The following PPFIA4 variants were observed in gnomAD, a reference collection of about 807,000 sequenced individuals.
PPFIA4 encodes the protein liprin-alpha-4.
In PPFIA4, 98 loss-of-function variants were observed where a neutral mutation model predicts 145.7. That is an observed-to-expected ratio of 0.67 (90% CI 0.57 to 0.80). PPFIA4 has a LOEUF of 0.80. Ranked by LOEUF, PPFIA4 falls within the 30% of genes least tolerant of loss-of-function variation. PPFIA4 has a pLI of 0.00. For missense variants in PPFIA4, 1,457 were observed against 1,632.7 expected (o/e 0.89, Z 1.85); for synonymous variants, 628 against 649.6 (o/e 0.97, Z 0.51).
rs766592731 is a variant in PPFIA4, at chr1:203,059,296, C to T, written c.2501+25C>T. On this transcript the variant is annotated intron_variant, in intron 20 of 29. Coordinates refer to ENST00000295706, the MANE Select transcript of PPFIA4 (RefSeq NM_001304331.2). ...AGTAAGAGCCACAGGCCAGGGTCTG[C>T]CAGGGTGGGGCCCAGCCCCCTACCC... The T allele has an allele frequency of 4.1e-6, 6 of 1,469,300 alleles. No homozygotes were observed. The East Asian group carries it at 9.8e-5, about 24-fold the overall frequency. The allele number at this position is 1,469,300 out of a possible 1,614,324, so 91.0% of individuals were successfully genotyped here. A position where few individuals can be genotyped will look rare whatever the true frequency, so the allele number is the denominator to read the frequency against.
At chr1:203,027,190 G>A (rs1307557727) in intron 1 of PPFIA4, among the ~76,000 whole-genome samples, 2 of 152,098 alleles carry the variant, frequency 1.3e-5, no homozygotes, top group Non-Finnish European at 2.9e-5. Flanking sequence ...TGGGGTGGAA[G>A]GAGCGGCCAA....
intron 1 of PPFIA4, among the ~76,000 whole-genome samples, chr1:203,038,003 T>A (rs1659420024): frequency 6.6e-6 from 1 of 152,180 alleles, no homozygotes; most frequent in African/African-American, 2.4e-5. Context: ...TTATGGGCAA[T>A]GTAGCAGGTC....
chr1:203,062,899 G>A (rs1484084464), intron 24 of PPFIA4: 2 of 152,244 alleles, frequency 1.3e-5, no homozygotes, highest in Non-Finnish European at 2.9e-5. Flanking sequence ...GGAGATGTGT[G>A]CTGACAGCGA....
At position 203,075,999 on chromosome 1, in the gene PPFIA4, C is replaced by T. The variant is rs1389534962; in HGVS notation, c.3574+242C>T. On this transcript the variant is annotated intron_variant, in intron 29 of 29. Coordinates refer to ENST00000295706, the MANE Select transcript of PPFIA4 (RefSeq NM_001304331.2). The surrounding 1 kb of genome is among the most constrained non-coding windows in gnomAD (Gnocchi z 4.1). Reference sequence around the variant, plus strand: ...CGGCGGGGTCGCAGAGACTGGAGACCTCCACGGTTCGGACCTACTCCTGCT... The same window carrying T: ...CGGCGGGGTCGCAGAGACTGGAGACTTCCACGGTTCGGACCTACTCCTGCT... 3 of 547,246 alleles carry T rather than the reference C, an allele frequency of 5.5e-6. No individual in the cohort carries two copies. Among genetic ancestry groups the T allele is most frequent in the East Asian group, 3.2e-5 (1 of 31,376 alleles). The allele number at this position is 547,246 out of a possible 1,614,324, so 33.9% of individuals were successfully genotyped here.
At chr1:203,040,422 G>A (rs575237053) in intron 2 of PPFIA4, among the ~76,000 whole-genome samples, 1 of 152,318 alleles carries the variant, frequency 6.6e-6, no homozygotes, top group East Asian at 1.9e-4. Flanking sequence ...GGGCCTGAGT[G>A]GGTGAGTTTC....
In PPFIA4 at chr1:203,044,394, C is replaced by G; in HGVS notation, c.517C>G (p.Arg173Gly). The change falls in exon 5 of 30, where the codon CGG becomes GGG. Residue 173 changes from arginine (R) to glycine (G), a missense_variant. By Grantham distance (125) the Arg-to-Gly change is moderately radical. Around this residue, in one of 3 missense-constraint regions of PPFIA4, gnomAD observed 463 missense variants for 459.8 expected, o/e 1.01. Transcript: ENST00000295706. ...CCTCGAGCAGGTGCGAGAGCGGCTC[C>G]GGGCAGCGCTGGAGCGAGTCACCAC... is the stretch of plus-strand genomic sequence containing the variant. ...ALDEKVRERL[R>G]AALERVTTLE... The G allele has an allele frequency of 6.4e-7, 1 of 1,552,196 alleles. No homozygotes were observed. The highest frequency in any genetic ancestry group is 1.2e-5 in the South Asian group (1 of 84,092).
Position 203,067,680 on chromosome 1 carries a change from GC to G in PPFIA4, c.3051-14del. 4 of 1,612,150 alleles carry G rather than the reference GC, an allele frequency of 2.5e-6. No individual in the cohort carries two copies. Among genetic ancestry groups the G allele is most frequent in the Non-Finnish European group, 3.4e-6 (4 of 1,178,382 alleles). On this transcript the variant is annotated splice_polypyrimidine_tract_variant and intron_variant, in intron 25 of 29. Coordinates refer to ENST00000295706, the MANE Select transcript of PPFIA4 (RefSeq NM_001304331.2). ...GCCCCACTGAGGCTCTGGCTTGGGG[GC>G]TGTGTGCCTGCAGAACCAGTCTTCA... is the stretch of plus-strand genomic sequence containing the variant.
chr1:203,050,466 A>C (rs920954739), intron 13 of PPFIA4, among the ~76,000 whole-genome samples: 17 of 152,294 alleles, frequency 1.1e-4, no homozygotes, highest in Admixed American at 3.9e-4. Context: ...GTGCCACTCA[A>C]GGTTCATGGC....
chr1:203,063,103 AGAGT>A (rs1281990982), intron 24 of PPFIA4: 1 of 152,282 alleles, frequency 6.6e-6, no homozygotes, highest in Non-Finnish European at 1.5e-5. Context: ...GGGTAAGGAA[AGAGT>A]GAGGTAGGGT....
chr1:203,048,164 A>T lies in PPFIA4; in HGVS notation c.1141-63A>T. On this transcript the variant is annotated intron_variant, in intron 9 of 29. Coordinates refer to ENST00000295706, the MANE Select transcript of PPFIA4 (RefSeq NM_001304331.2). This position sits in a 1 kb window ranked among gnomAD's most constrained non-coding sequence, Gnocchi z 5.8. ...CCACCCTGGCACCAGGGTGCAGGGGATGCGGGGCCTGAGCAGGAAGAACAG... is the reference window on the plus strand; with the variant it reads ...CCACCCTGGCACCAGGGTGCAGGGGTTGCGGGGCCTGAGCAGGAAGAACAG... The T allele has an allele frequency of 6.6e-7, 1 of 1,519,780 alleles. No individual in the cohort carries two copies. The highest frequency in any genetic ancestry group is 9.1e-7 in the Non-Finnish European group (1 of 1,102,922). 94.1% of individuals were successfully genotyped at this position (1,519,780 alleles called of 1,614,324 possible).
chr1:203,038,481 AGGGGCATGC>A, intron 1 of PPFIA4, 120 bp from the exon 2 acceptor site: 1 of 153,078 alleles, frequency 6.5e-6, no homozygotes, highest in South Asian at 2.1e-4. Flanking sequence ...AGCCTGGAGA[AGGGGCATGC>A]GCCAGCACCT....
At chr1:203,061,990 C>G (rs1225013798) in intron 24 of PPFIA4, among the ~76,000 whole-genome samples, 4 of 152,160 alleles carry the variant, frequency 2.6e-5, no homozygotes, top group Non-Finnish European at 5.9e-5. Flanking sequence ...CTCTCCCTGT[C>G]CCTCTCAGGG....
chr1:203,047,111 T>A (rs1188508083), intron 9 of PPFIA4, among the ~76,000 whole-genome samples: 1 of 152,142 alleles, frequency 6.6e-6, no homozygotes, highest in Non-Finnish European at 1.5e-5. Context: ...AAAACCGGTG[T>A]TTAGGAAGCA....
chr1:203,046,503 C>T (rs763435508), intron 9 of PPFIA4, 121 bp downstream of exon 9: 96 of 1,203,322 alleles, frequency 8.0e-5, no homozygotes, highest in African/African-American at 2.6e-4. Context: ...AACTGCTTCC[C>T]GCCGTGTGAT....
Position 203,048,376 on chromosome 1 carries a change from G to A in PPFIA4, c.1224+66G>A. On this transcript the variant is annotated intron_variant, in intron 10 of 29. Coordinates refer to ENST00000295706, the MANE Select transcript of PPFIA4 (RefSeq NM_001304331.2). The surrounding 1 kb of genome is among the most constrained non-coding windows in gnomAD (Gnocchi z 5.8). ...GCAGGACAGGCTCCCAGGGCGGTCT[G>A]TGGAAGGGGCACGGAGGAAGGGCCT... The A allele has an allele frequency of 1.3e-6, 2 of 1,564,362 alleles. No homozygotes were observed. Among genetic ancestry groups the A allele is most frequent in the Non-Finnish European group, 1.7e-6 (2 of 1,148,626 alleles).
chr1:203,045,795 G>T, intron 7 of PPFIA4, 46 bp from the exon 8 acceptor site: 1 of 1,611,972 alleles, frequency 6.2e-7, no homozygotes, highest in Non-Finnish European at 8.5e-7. Context: ...CAGGATGGGG[G>T]CAAGGAAAGG....
rs1040240757 is a variant in PPFIA4, at chr1:203,055,988, G to C, written c.2071-132G>C. 2.3e-6 allele frequency: 2 copies of C among 881,330 alleles called. No individual in the cohort carries two copies. Among genetic ancestry groups the C allele is most frequent in the Non-Finnish European group, 3.4e-6 (2 of 589,464 alleles). 54.6% of individuals were successfully genotyped at this position (881,330 alleles called of 1,614,324 possible). On this transcript the variant is annotated intron_variant, in intron 16 of 29. Transcript: ENST00000295706. This position sits in a 1 kb window ranked among gnomAD's most constrained non-coding sequence, Gnocchi z 4.8. ...GCCAGCTTTTTTTTTTTTTTCTGGCGTGATATTCTCTCCGGGCCTGTGTGA... is the reference window on the plus strand; with the variant it reads ...GCCAGCTTTTTTTTTTTTTTCTGGCCTGATATTCTCTCCGGGCCTGTGTGA...
Position 203,031,428 on chromosome 1 carries a change from A to G in PPFIA4, c.-400+4799A>G, listed in dbSNP as rs117297944. Among the ~76,000 whole-genome samples the G allele has an allele frequency of 6.2e-4, 93 of 150,974 alleles. 2 individuals carry two copies. The East Asian group carries it at 0.018, about 29-fold the overall frequency. ...ATACCATGCGTTCTCATGATCACAC[A>G]CACACTCTGTTGCATGACGACACAT... is the stretch of plus-strand genomic sequence containing the variant. On this transcript the variant is annotated intron_variant, in intron 1 of 29. Coordinates refer to ENST00000295706, the MANE Select transcript of PPFIA4 (RefSeq NM_001304331.2).
Position 203,075,629 on chromosome 1 carries a change from C to A in PPFIA4, c.3446C>A (p.Pro1149Gln), listed in dbSNP as rs748437755. 1 of 1,485,760 alleles carries A rather than the reference C, an allele frequency of 6.7e-7. No individual in the cohort carries two copies. The highest frequency in any genetic ancestry group is 2.4e-5 in the Admixed American group (1 of 41,514). 92.0% of individuals were successfully genotyped at this position (1,485,760 alleles called of 1,614,324 possible). A position where few individuals can be genotyped will look rare whatever the true frequency, so the allele number is the denominator to read the frequency against. Reference sequence around the variant, plus strand: ...CCCTCCTGGAGGAAGCGCTTCCGGCCGCGGGAGCACCACGGTCGCGGCGGC... The same window carrying A: ...CCCTCCTGGAGGAAGCGCTTCCGGCAGCGGGAGCACCACGGTCGCGGCGGC... ...RAPSWRKRFR[P>Q]REHHGRGGML... Residue 1149 changes from proline to glutamine, a missense_variant, in exon 29 of 30, where the codon CCG becomes CAG. Coordinates refer to ENST00000295706, the MANE Select transcript of PPFIA4 (RefSeq NM_001304331.2). This position sits in a 1 kb window ranked among gnomAD's most constrained non-coding sequence, Gnocchi z 4.1.
Sources: allele counts gnomAD v4.1 joint callset (sites outside exome capture counted in the v4.1 genomes callset), GRCh38; gene constraint gnomAD v4.1.1; regional missense constraint gnomAD v4.1.1; non-coding constraint Gnocchi (gnomAD v3.1); transcripts MANE v1.5; gene names NCBI Gene and HGNC (gene_info 2026-07-23, HGNC 2026-07-21).